The following PCDH9 variants were observed in gnomAD, a reference collection of about 807,000 sequenced individuals.
The protein encoded by PCDH9 is protocadherin 9, also known as protocadherin-9.
In PCDH9, 24 loss-of-function variants were observed where a neutral mutation model predicts 70.6. The observed-to-expected ratio is 0.34, with a 90% confidence interval of 0.25 to 0.48. The LOEUF is 0.48. Among genes scored for constraint, PCDH9 ranks in the 20% least tolerant of loss-of-function variants. The pLI, the probability that PCDH9 is intolerant of heterozygous loss-of-function variation, is 0.99. For missense variants in PCDH9, 1,281 were observed against 1,503.6 expected (o/e 0.85, Z 2.45); for synonymous variants, 562 against 558.5 (o/e 1.01, Z -0.09).
chr13:66,564,140 C>A lies in PCDH9; in HGVS notation c.3340+67070G>T, dbSNP rs112776033. ...AGTCTAAAAGCAACAAGGACATTGA[C>A]CACTTGTTTCAATGTTTTATGGGAA... is the stretch of plus-strand genomic sequence containing the variant. On this transcript the variant is annotated intron_variant, in intron 4 of 4. Coordinates refer to ENST00000377865, the MANE Select transcript of PCDH9 (RefSeq NM_203487.3). Among the ~76,000 whole-genome samples, 584 of 152,110 alleles carry A rather than the reference C, an allele frequency of 3.8e-3. 6 individuals are homozygous for A. The highest frequency in any genetic ancestry group is 0.014 in the African/African-American group (561 of 41,508).
intron 2 of PCDH9, chr13:66,915,009 T>G (rs2139630072): frequency 6.6e-6 from 1 of 151,830 alleles, no homozygotes; most frequent in South Asian, 2.1e-4. Context: ...AAAATGATAT[T>G]AAAATAAATA....
At chr13:66,729,585 G>A (rs965987045) in intron 3 of PCDH9, among the ~76,000 whole-genome samples, 1 of 152,048 alleles carries the variant, frequency 6.6e-6, no homozygotes, top group Admixed American at 6.6e-5. Flanking sequence ...ATTTTCAGCT[G>A]TCTACCCTCA....
At chr13:66,332,146 C>T (rs1370875413) in intron 4 of PCDH9, among the ~76,000 whole-genome samples, 1 of 152,096 alleles carries the variant, frequency 6.6e-6, no homozygotes, top group Non-Finnish European at 1.5e-5. Flanking sequence ...CTCCACGCTC[C>T]TTGGCTTACC....
chr13:66,713,960 C>A (rs1428232520), intron 3 of PCDH9, among the ~76,000 whole-genome samples: 1 of 151,936 alleles, frequency 6.6e-6, no homozygotes, highest in Non-Finnish European at 1.5e-5. Context: ...ATGATTTGAA[C>A]CCTACCCATT....
chr13:66,307,181 G>GT (rs977424139), intron 4 of PCDH9, among the ~76,000 whole-genome samples: 57 of 151,626 alleles, frequency 3.8e-4, no homozygotes, highest in Middle Eastern at 3.4e-3. Context: ...TCCATTTTTT[G>GT]TTTTTTGGAG....
intron 4 of PCDH9, among the ~76,000 whole-genome samples, chr13:66,543,367 A>T (rs1961048251): frequency 6.6e-6 from 1 of 152,028 alleles, no homozygotes; most frequent in Non-Finnish European, 1.5e-5. Flanking sequence ...TCAGGAGATC[A>T]AGACCATCCT....
chr13:67,199,769 C>G (rs545529725), intron 2 of PCDH9, among the ~76,000 whole-genome samples: 1 of 152,200 alleles, frequency 6.6e-6, no homozygotes, highest in South Asian at 2.1e-4. Context: ...CAACAAGCCG[C>G]TTGCTCAGTT....
intron 2 of PCDH9, among the ~76,000 whole-genome samples, chr13:66,994,097 G>C (rs2084057888): frequency 6.6e-6 from 1 of 152,182 alleles, no homozygotes; most frequent in Non-Finnish European, 1.5e-5. Flanking sequence ...TTAGGAAACA[G>C]AAGGAAGGAT....
chr13:66,625,251 G>T lies in PCDH9; in HGVS notation c.3340+5959C>A, dbSNP rs150704088. On this transcript the variant is annotated intron_variant, in intron 4 of 4. Coordinates refer to ENST00000377865, the MANE Select transcript of PCDH9 (RefSeq NM_203487.3). Reference sequence around the variant, plus strand: ...ATATCTACAATTATCTCAAAATTTTGGTATCTTTTTATGATACTGAAGAAA... The same window carrying T: ...ATATCTACAATTATCTCAAAATTTTTGTATCTTTTTATGATACTGAAGAAA... Among the ~76,000 whole-genome samples, 11 of 152,048 alleles carry T rather than the reference G, an allele frequency of 7.2e-5. No homozygotes were observed. In the East Asian group the frequency reaches 2.1e-3, roughly 29 times the overall value.
chr13:66,807,419 G>A (rs1441584719), intron 3 of PCDH9, among the ~76,000 whole-genome samples: 2 of 151,970 alleles, frequency 1.3e-5, no homozygotes, highest in African/African-American at 4.8e-5. Flanking sequence ...CCATCTCCTT[G>A]TTTAAATAAA....
At chr13:67,184,086 T>A (rs2088686735) in intron 2 of PCDH9, among the ~76,000 whole-genome samples, 1 of 152,162 alleles carries the variant, frequency 6.6e-6, no homozygotes, top group African/African-American at 2.4e-5. Context: ...GGTATAAATT[T>A]TCTATGTTTC....
At chr13:66,753,003 G>A (rs918934702) in intron 3 of PCDH9, among the ~76,000 whole-genome samples, 1 of 152,142 alleles carries the variant, frequency 6.6e-6, no homozygotes, top group Non-Finnish European at 1.5e-5. Flanking sequence ...AGAGAGTGGA[G>A]TTTCAGCCCA....
chr13:66,509,378 C>T (rs1051786606), intron 4 of PCDH9, among the ~76,000 whole-genome samples: 1 of 152,058 alleles, frequency 6.6e-6, no homozygotes, highest in African/African-American at 2.4e-5. Context: ...AGGTTATGAG[C>T]CTAACTTCTT....
intron 3 of PCDH9, among the ~76,000 whole-genome samples, chr13:66,801,496 T>G (rs1262607551): frequency 6.6e-6 from 1 of 152,132 alleles, no homozygotes; most frequent in Admixed American, 6.6e-5. Context: ...GCAGGCATTG[T>G]GCAAATTAGA....
chr13:66,814,837 ACATAGGAC>A (rs2080572654), intron 3 of PCDH9, among the ~76,000 whole-genome samples: 1 of 152,204 alleles, frequency 6.6e-6, no homozygotes, highest in Non-Finnish European at 1.5e-5. Context: ...ACCATTCTGG[ACATAGGAC>A]CTGGCAGAGA....
chr13:67,004,952 T>A (rs965681178), intron 2 of PCDH9, among the ~76,000 whole-genome samples: 1 of 152,154 alleles, frequency 6.6e-6, no homozygotes, highest in African/African-American at 2.4e-5. Flanking sequence ...TATTTTGAAG[T>A]GGTCCACCTA....
chr13:66,648,323 A>T (rs1566480322), intron 3 of PCDH9, among the ~76,000 whole-genome samples: 1 of 152,184 alleles, frequency 6.6e-6, no homozygotes, highest in Non-Finnish European at 1.5e-5. Context: ...GGAGTGCTTG[A>T]GTCACCCCTC....
chr13:66,641,843 T>G (rs1343041058), intron 3 of PCDH9, among the ~76,000 whole-genome samples: 1 of 152,136 alleles, frequency 6.6e-6, no homozygotes, highest in East Asian at 1.9e-4. Flanking sequence ...TACAAAAAAT[T>G]CATGTATTTC....
chr13:66,737,510 G>C (rs1399806023), intron 3 of PCDH9, among the ~76,000 whole-genome samples: 1 of 152,202 alleles, frequency 6.6e-6, no homozygotes, highest in African/African-American at 2.4e-5. Context: ...GGCCGAATAG[G>C]AACAGCTCCG....
Sources: allele counts gnomAD v4.1 joint callset (sites outside exome capture counted in the v4.1 genomes callset), GRCh38; gene constraint gnomAD v4.1.1; transcripts MANE v1.5; gene names NCBI Gene and HGNC (gene_info 2026-07-23, HGNC 2026-07-21).